Variants in PPP6R2 observed in about 807,000 individuals in gnomAD.
The protein encoded by PPP6R2 is serine/threonine-protein phosphatase 6 regulatory subunit 2.
Under a neutral mutation model 100.2 loss-of-function variants are expected in PPP6R2, and 62 were observed. That is an observed-to-expected ratio of 0.62 (90% CI 0.50 to 0.76). PPP6R2 has a LOEUF of 0.76. Among genes scored for constraint, PPP6R2 ranks in the 30% least tolerant of loss-of-function variants. PPP6R2 has a pLI of 0.00. For synonymous variants in PPP6R2, 525 were observed against 514.7 expected (o/e 1.02, Z -0.27); for missense variants, 1,142 against 1,276.3 (o/e 0.89, Z 1.60).
chr22:50,405,536 AGGT>A (rs2058740523), intron 3 of PPP6R2, among the ~76,000 whole-genome samples: 3 of 137,398 alleles, frequency 2.2e-5, no homozygotes, highest in African/African-American at 5.7e-5. Context: ...GCCTGGAGAG[AGGT>A]AAGAGGCCTG....
chr22:50,440,885 C>CT lies in PPP6R2; in HGVS notation c.2439dup (p.Asp814Ter). 1.2e-6 allele frequency: 2 copies of CT among 1,613,890 alleles called. No individual in the cohort carries two copies. Among genetic ancestry groups the CT allele is most frequent in the Non-Finnish European group, 1.7e-6 (2 of 1,180,010 alleles). On this transcript the variant is annotated frameshift_variant, in exon 22 of 24. Transcript: ENST00000612753. LOFTEE classifies it high-confidence loss of function. ...ACCAGGAAGGCCCCCCTGCTGGCCTCTGACAGTAGCTCCTCTGGGGGCTCC... is the reference window on the plus strand; with the variant it reads ...ACCAGGAAGGCCCCCCTGCTGGCCTCTTGACAGTAGCTCCTCTGGGGGCTCC...
chr22:50,436,290 C>A, intron 13 of PPP6R2, 77 bp from the exon 14 acceptor site: 3 of 1,350,806 alleles, frequency 2.2e-6, no homozygotes, highest in Non-Finnish European at 3.1e-6. Context: ...CCAGGATGCA[C>A]CTGCCGGAGC....
intron 14 of PPP6R2, 79 bp from the exon 15 acceptor site, chr22:50,436,909 T>C (rs570209685): frequency 3.5e-5 from 41 of 1,186,378 alleles, no homozygotes; most frequent in Non-Finnish European, 4.8e-5. Context: ...GGGCTGGGCA[T>C]GGTCCTGGGC....
the PPP6R2 span, among the ~76,000 whole-genome samples, chr22:50,334,039 A>G: frequency 1.3e-5 from 2 of 152,248 alleles, no homozygotes; most frequent in South Asian, 4.1e-4. Flanking sequence ...ATACTTTAAT[A>G]CTTTCACTAA....
In PPP6R2 at chr22:50,361,554, A is replaced by G. The variant is rs548095923; in HGVS notation, c.-147-10466A>G. 2.6e-5 allele frequency among the ~76,000 whole-genome samples: 4 copies of G among 151,988 alleles called. No individual in the cohort carries two copies. The East Asian group carries it at 5.8e-4, about 22-fold the overall frequency. On this transcript the variant is annotated intron_variant, in intron 1 of 23. Transcript: ENST00000612753. ...GGACTTGAGCTTTGTTCACTGCCCCAGTTTCCTCCCTGCTGCTTTTTGGTG... is the reference window on the plus strand; with the variant it reads ...GGACTTGAGCTTTGTTCACTGCCCCGGTTTCCTCCCTGCTGCTTTTTGGTG...
chr22:50,431,269 A>G lies in PPP6R2; in HGVS notation c.1222A>G (p.Thr408Ala), dbSNP rs1569482345. 2 of 1,613,572 alleles carry G rather than the reference A, an allele frequency of 1.2e-6. No homozygotes were observed. Among genetic ancestry groups the G allele is most frequent in the Admixed American group, 1.7e-5 (1 of 60,022 alleles). ...ILSHAAREERTEASGSESRVE... is the reference protein window; with the variant it reads ...ILSHAAREERAEASGSESRVE... ...CTCCCACGCTGCCCGTGAGGAGAGG[A>G]CAGAAGCCAGCGGATCCGAGAGCAG... Residue 408 changes from threonine to alanine, a missense_variant, in exon 11 of 24, where the codon ACA becomes GCA. Thr to Ala is a moderately conservative substitution (Grantham distance 58). Transcript: ENST00000612753. The surrounding 1 kb of genome is among the most constrained non-coding windows in gnomAD (Gnocchi z 4.8).
upstream of PPP6R2, among the ~76,000 whole-genome samples, chr22:50,338,662 G>C (rs1365948611): frequency 7.3e-6 from 1 of 136,584 alleles, no homozygotes; most frequent in East Asian, 2.4e-4. Context: ...TAGTGTGTGT[G>C]GTATGTGGTG....
intron 1 of PPP6R2, among the ~76,000 whole-genome samples, chr22:50,354,292 G>A (rs1305262594): frequency 6.6e-6 from 1 of 152,064 alleles, no homozygotes; most frequent in African/African-American, 2.4e-5. Flanking sequence ...GCGACGGAGC[G>A]AGACTTTGTC....
At chr22:50,421,822 C>T (rs556181512) in intron 8 of PPP6R2, among the ~76,000 whole-genome samples, 20 of 152,070 alleles carry the variant, frequency 1.3e-4, no homozygotes, top group Admixed American at 1.0e-3. Context: ...GAGCTAAGAT[C>T]GCACCATCGC....
Position 50,443,982 on chromosome 22 carries a change from T to G in PPP6R2, c.2696T>G (p.Leu899Arg). Reference protein sequence around the residue: ...PEATVAITTALSKAGPAIPTP... With the variant: ...PEATVAITTARSKAGPAIPTP... ...GCTACTGTGGCCATCACCACAGCAC[T>G]GAGCAAGGCTGGCCCCGCCATACCC... The change falls in exon 23 of 24, where the codon CTG becomes CGG. Residue 899 changes from leucine (L) to arginine (R), a missense_variant. Around this residue, in one of 2 missense-constraint regions of PPP6R2, gnomAD observed 550 missense variants for 517.4 expected, o/e 1.06. Coordinates refer to ENST00000612753, the MANE Select transcript of PPP6R2 (RefSeq NM_001242898.2). 1 of 1,612,530 alleles carries G rather than the reference T, an allele frequency of 6.2e-7. No homozygotes were observed. Among genetic ancestry groups the G allele is most frequent in the Non-Finnish European group, 8.5e-7 (1 of 1,179,744 alleles).
chr22:50,352,800 C>T (rs919584503), intron 1 of PPP6R2, among the ~76,000 whole-genome samples: 19 of 151,816 alleles, frequency 1.3e-4, no homozygotes, highest in African/African-American at 4.1e-4. Context: ...GGCACGGTTG[C>T]GCACACCTCT....
At chr22:50,332,468 G>A in the PPP6R2 span, among the ~76,000 whole-genome samples, 38 of 150,942 alleles carry the variant, frequency 2.5e-4, no homozygotes, top group African/African-American at 8.8e-4. Context: ...CTGACCTCGT[G>A]ATCCGCCTGT....
the PPP6R2 span, among the ~76,000 whole-genome samples, chr22:50,336,594 G>A: frequency 6.6e-5 from 10 of 150,658 alleles, no homozygotes; most frequent in South Asian, 2.1e-4. Context: ...GGGTCTCACC[G>A]TATTGTCCTG....
rs149769173 is a variant in PPP6R2, at chr22:50,432,255, C to G, written c.1336-10C>G. ...CCTGACTCACGCTGTCCCCCTGCCC[C>G]GCCCCCCAGCTGTTCCAGAAGTGCT... On this transcript the variant is annotated splice_polypyrimidine_tract_variant and intron_variant, in intron 11 of 23. Transcript: ENST00000612753. 2.6e-6 allele frequency: 4 copies of G among 1,549,430 alleles called. No homozygotes were observed. In the African/African-American group the frequency reaches 5.5e-5, roughly 21 times the overall value.
At chr22:50,343,756 C>G (rs1431058167) in intron 1 of PPP6R2, among the ~76,000 whole-genome samples, 1 of 87,696 alleles carries the variant, frequency 1.1e-5, no homozygotes, top group Non-Finnish European at 2.3e-5. Context: ...AGTTCCCCCC[C>G]AGTTAGTGCA....
At chr22:50,345,389 C>T (rs181396121) in intron 1 of PPP6R2, among the ~76,000 whole-genome samples, 40 of 9,384 alleles carry the variant, frequency 4.3e-3, no homozygotes, top group South Asian at 0.012. Context: ...CAGTCAGTGC[C>T]CCCTCCAGTC....
intron 8 of PPP6R2, among the ~76,000 whole-genome samples, chr22:50,420,724 CG>C (rs2061219747): frequency 6.6e-6 from 1 of 152,144 alleles, no homozygotes; most frequent in Non-Finnish European, 1.5e-5. Context: ...GTGGTTGGCC[CG>C]CCAGGTGCCC....
chr22:50,372,422 A>C (rs993449495), intron 2 of PPP6R2, among the ~76,000 whole-genome samples: 2 of 151,834 alleles, frequency 1.3e-5, no homozygotes, highest in Non-Finnish European at 2.9e-5. Flanking sequence ...AGTGGTGTGT[A>C]CCTGTAATCC....
intron 4 of PPP6R2, among the ~76,000 whole-genome samples, chr22:50,413,509 A>C (rs1017252702): frequency 7.9e-5 from 12 of 152,170 alleles, no homozygotes; most frequent in Admixed American, 6.5e-4. Flanking sequence ...CATAAAAACA[A>C]AACTACAAAC....
Sources: allele counts gnomAD v4.1 joint callset (sites outside exome capture counted in the v4.1 genomes callset), GRCh38; gene constraint gnomAD v4.1.1; regional missense constraint gnomAD v4.1.1; non-coding constraint Gnocchi (gnomAD v3.1); transcripts MANE v1.5; gene names NCBI Gene and HGNC (gene_info 2026-07-23, HGNC 2026-07-21).